Variants in BRD10 observed in about 807,000 individuals in gnomAD.
The protein encoded by BRD10 is bromodomain containing 10.
At chr9:5,909,717 G>A in the BRD10 span, 1 of 152,190 alleles carries the variant, frequency 6.6e-6, no homozygotes, top group Non-Finnish European at 1.5e-5. Flanking sequence ...TAGTGCTGAT[G>A]CCTGTGTACT....
At chr9:5,972,098 G>A in the BRD10 span, among the ~76,000 whole-genome samples, 3 of 152,164 alleles carry the variant, frequency 2.0e-5, no homozygotes, top group Non-Finnish European at 4.4e-5. Context: ...CTAAGGGAAT[G>A]CACCTTAAGT....
At chr9:5,885,822 A>G in the BRD10 span, among the ~76,000 whole-genome samples, 2 of 152,216 alleles carry the variant, frequency 1.3e-5, no homozygotes, top group African/African-American at 4.8e-5. Flanking sequence ...GGCACCTGTG[A>G]GGCTTACGGG....
chr9:5,943,862 CAT>C, the BRD10 span, among the ~76,000 whole-genome samples: 1 of 152,240 alleles, frequency 6.6e-6, no homozygotes, highest in South Asian at 2.1e-4. Flanking sequence ...ATCTGTCACA[CAT>C]GAGACTTCTG....
chr9:5,906,932 C>G, the BRD10 span: 1 of 1,595,512 alleles, frequency 6.3e-7, no homozygotes. Context: ...CAAGAAGATG[C>G]CCACAAGAAG....
the BRD10 span, among the ~76,000 whole-genome samples, chr9:5,994,312 A>G: frequency 1.3e-5 from 2 of 152,222 alleles, no homozygotes; most frequent in African/African-American, 2.4e-5. Flanking sequence ...TCGAAGGTAT[A>G]TATTCAAAAT....
chr9:5,895,367 G>A, the BRD10 span, among the ~76,000 whole-genome samples: 1 of 152,080 alleles, frequency 6.6e-6, no homozygotes, highest in Middle Eastern at 3.4e-3. Context: ...TGGAGGTAGG[G>A]GAATGGGGCC....
chr9:5,889,564 A>C, the BRD10 span, among the ~76,000 whole-genome samples: 3 of 152,174 alleles, frequency 2.0e-5, no homozygotes, highest in Non-Finnish European at 2.9e-5. Context: ...AGGCAGGTGG[A>C]TCATGAGGTC....
chr9:5,983,389 C>T, the BRD10 span, among the ~76,000 whole-genome samples: 2 of 152,146 alleles, frequency 1.3e-5, no homozygotes, highest in Non-Finnish European at 2.9e-5. Context: ...AAACTCCAGA[C>T]TCAACAAAGC....
chr9:5,912,856 C>A, the BRD10 span, among the ~76,000 whole-genome samples: 202 of 152,322 alleles, frequency 1.3e-3, 4 homozygotes, highest in East Asian at 0.028. Flanking sequence ...GTGACCAGAG[C>A]TCATGGCTGG....
the BRD10 span, among the ~76,000 whole-genome samples, chr9:5,987,265 A>G: frequency 1.3e-5 from 2 of 152,160 alleles, no homozygotes; most frequent in Non-Finnish European, 2.9e-5. Context: ...ATACCAAGGA[A>G]GATACTAAGT....
the BRD10 span, among the ~76,000 whole-genome samples, chr9:5,995,482 C>A: frequency 6.6e-5 from 10 of 152,194 alleles, no homozygotes; most frequent in African/African-American, 2.4e-4. Flanking sequence ...TGTCTGTTAG[C>A]TGCTTTAGCA....
At chr9:5,921,601 G>T in the BRD10 span, 1 of 1,613,962 alleles carries the variant, frequency 6.2e-7, no homozygotes. Context: ...GAGTCCCACT[G>T]ATTACATCTC....
chr9:5,901,093 A>G, the BRD10 span, among the ~76,000 whole-genome samples: 1 of 152,106 alleles, frequency 6.6e-6, no homozygotes, highest in Non-Finnish European at 1.5e-5. Flanking sequence ...GAACCGGTAG[A>G]GTGGATCATA....
the BRD10 span, among the ~76,000 whole-genome samples, chr9:5,991,360 C>A: frequency 6.6e-6 from 1 of 152,102 alleles, no homozygotes; most frequent in Non-Finnish European, 1.5e-5. Context: ...TGCTTTGTGA[C>A]AGGCCTCCTG....
At chr9:5,946,662 G>C in the BRD10 span, among the ~76,000 whole-genome samples, 2 of 152,034 alleles carry the variant, frequency 1.3e-5, no homozygotes, top group African/African-American at 4.8e-5. Flanking sequence ...ACCGAACTTG[G>C]TGTACTTGTT....
the BRD10 span, chr9:6,008,166 G>C: frequency 5.1e-6 from 5 of 974,304 alleles, no homozygotes; most frequent in South Asian, 4.8e-5. Context: ...CCGGGCCAGC[G>C]GGGGGCTGGG....
chr9:5,989,590 G>A, the BRD10 span, among the ~76,000 whole-genome samples: 5 of 148,016 alleles, frequency 3.4e-5, no homozygotes, highest in Admixed American at 1.4e-4. Flanking sequence ...AGGCTGGGGT[G>A]CAGTGGTATG....
chr9:5,990,775 C>T, the BRD10 span, among the ~76,000 whole-genome samples: 3 of 152,138 alleles, frequency 2.0e-5, no homozygotes, highest in Non-Finnish European at 4.4e-5. Flanking sequence ...AATTCTTAAA[C>T]AACATTAGTA....
the BRD10 span, among the ~76,000 whole-genome samples, chr9:5,882,555 A>G: frequency 6.6e-6 from 1 of 152,210 alleles, no homozygotes; most frequent in Non-Finnish European, 1.5e-5. Flanking sequence ...ACAACCTTAC[A>G]CAAAAAATAC....
Sources: gnomAD v4.1 joint callset for allele counts (sites outside exome capture counted in the v4.1 genomes callset) on GRCh38, gnomAD v4.1.1 for gene constraint, MANE v1.5 for transcripts, NCBI Gene and HGNC (gene_info 2026-07-23, HGNC 2026-07-21) for gene names.